ZNF618: variants seen among roughly 807,000 people sequenced by gnomAD.
ZNF618 encodes zinc finger protein 618, also known as neural precursor cell expressed, developmentally down-regulated 10.
Under a neutral mutation model 103.0 loss-of-function variants are expected in ZNF618, and 34 were observed. The ratio of observed to expected loss-of-function variants is 0.33; its 90% CI spans 0.25 to 0.44. ZNF618 has a LOEUF of 0.44. Among genes scored for constraint, ZNF618 ranks in the 20% least tolerant of loss-of-function variants. The probability of loss-of-function intolerance (pLI) is 1.00; values close to 1 mark genes in which losing one functional copy is unlikely to be tolerated. For missense variants in ZNF618, 1,059 were observed against 1,295.4 expected (o/e 0.82, Z 2.80); for synonymous variants, 551 against 542.2 (o/e 1.02, Z -0.23).
chr9:113,965,277 T>TA (rs1385247267), intron 1 of ZNF618, among the ~76,000 whole-genome samples: 4 of 152,180 alleles, frequency 2.6e-5, no homozygotes, highest in Non-Finnish European at 4.4e-5. Context: ...TCTTACAACT[T>TA]ACATTTGCAC....
chr9:113,941,700 G>A (rs763606631), intron 1 of ZNF618, among the ~76,000 whole-genome samples: 15 of 151,960 alleles, frequency 9.9e-5, no homozygotes, highest in African/African-American at 2.7e-4. Flanking sequence ...GATTTTTTTC[G>A]TCTATGAAAG....
At chr9:113,947,781 A>C (rs73658307) in intron 1 of ZNF618, among the ~76,000 whole-genome samples, 2,258 of 152,296 alleles carry the variant, frequency 0.015, 47 homozygotes, top group African/African-American at 0.052. Context: ...TAAGAGTCTC[A>C]ACTAGAAAAA....
chr9:113,981,275 C>T (rs2133127735), intron 2 of ZNF618, among the ~76,000 whole-genome samples: 1 of 152,224 alleles, frequency 6.6e-6, no homozygotes, highest in Non-Finnish European at 1.5e-5. Context: ...GTAAATGGCA[C>T]CCTTTGGAGG....
At position 114,028,968 on chromosome 9, in the gene ZNF618, C is replaced by A; in HGVS notation, c.1080C>A (p.Thr360=). 2.6e-6 allele frequency: 4 copies of A among 1,550,242 alleles called. No homozygotes were observed. Among genetic ancestry groups the A allele is most frequent in the Non-Finnish European group, 3.5e-6 (4 of 1,146,928 alleles). ...PNSGSPASKA[T]AAESAFSRRV... The stretch of plus-strand genomic sequence containing the variant: ...CGGGATCTCCGGCGAGCAAGGCAAC[C>A]GCAGGTACCAATGGCCTATGTGACC... Residue 360 remains threonine, a synonymous_variant, in exon 11 of 15, where the codon ACC becomes ACA. Transcript: ENST00000374126.
At chr9:113,960,621 C>CTTTTA (rs1836754660) in intron 1 of ZNF618, among the ~76,000 whole-genome samples, 2 of 152,216 alleles carry the variant, frequency 1.3e-5, no homozygotes, top group Admixed American at 6.5e-5. Flanking sequence ...GGTATCATAA[C>CTTTTA]TGAGAGGCGT....
chr9:113,876,472 G>A lies in ZNF618; in HGVS notation c.33+59G>A. The stretch of plus-strand genomic sequence containing the variant: ...GGGGACCCCGGGGGGCCGGGGCCCG[G>A]GGCGCTGCGCCACTTCATTGCAAGA... On this transcript the variant is annotated intron_variant, in intron 1 of 14. Transcript: ENST00000374126. The A allele has an allele frequency of 1.7e-6, 2 of 1,156,740 alleles. 1 individual carries two copies. The highest frequency in any genetic ancestry group is 6.8e-4 in the Middle Eastern group (2 of 2,948). 71.7% of individuals were successfully genotyped at this position (1,156,740 alleles called of 1,614,324 possible). A position where few individuals can be genotyped will look rare whatever the true frequency, so the allele number is the denominator to read the frequency against.
intron 1 of ZNF618, among the ~76,000 whole-genome samples, chr9:113,895,608 C>T (rs1203570678): frequency 6.6e-6 from 1 of 152,000 alleles, no homozygotes; most frequent in Non-Finnish European, 1.5e-5. Context: ...AGGATAAATA[C>T]ATTTAAGATT....
intron 3 of ZNF618, among the ~76,000 whole-genome samples, chr9:113,993,254 C>T (rs1038191783): frequency 7.2e-5 from 11 of 151,874 alleles, no homozygotes; most frequent in Admixed American, 4.6e-4. Flanking sequence ...GGACTTCGCT[C>T]ACCCAGCCTC....
chr9:114,033,389 AAGAGAGAGAGAGAGAGAG>A lies in ZNF618; in HGVS notation c.1168+676_1168+693del, dbSNP rs10624141. Reference sequence around the variant, plus strand: ...TGACAGAGCGAGACTCTGTCTCAAAAAGAGAGAGAGAGAGAGAGAGAGAGAGAGAGAGCTGTGAGAGCC... The same window carrying A: ...TGACAGAGCGAGACTCTGTCTCAAAAAGAGAGAGAGAGAGCTGTGAGAGCC... On this transcript the variant is annotated intron_variant, in intron 12 of 14. Transcript: ENST00000374126. 1.6e-3 allele frequency among the ~76,000 whole-genome samples: 236 copies of A among 147,180 alleles called. 1 individual carries two copies. The highest frequency in any genetic ancestry group is 5.7e-3 in the African/African-American group (229 of 40,372).
At chr9:113,939,017 C>T (rs2132018687) in intron 1 of ZNF618, among the ~76,000 whole-genome samples, 1 of 150,292 alleles carries the variant, frequency 6.7e-6, no homozygotes, top group Admixed American at 6.6e-5. Context: ...TTTTTTCAGG[C>T]AATTGTATCT....
intron 2 of ZNF618, among the ~76,000 whole-genome samples, chr9:113,973,080 A>G (rs1264865382): frequency 6.6e-6 from 1 of 152,176 alleles, no homozygotes; most frequent in African/African-American, 2.4e-5. Flanking sequence ...CTGTCTCAAA[A>G]AAAAAGAGAG....
chr9:113,895,295 C>T (rs1422712479), intron 1 of ZNF618, among the ~76,000 whole-genome samples: 2 of 152,054 alleles, frequency 1.3e-5, no homozygotes, highest in African/African-American at 2.4e-5. Context: ...GAATTTTTAA[C>T]AAATGCCTTT....
chr9:113,983,894 C>T (rs1839202701), intron 2 of ZNF618, among the ~76,000 whole-genome samples: 1 of 152,178 alleles, frequency 6.6e-6, no homozygotes, highest in African/African-American at 2.4e-5. Flanking sequence ...AGGATATATT[C>T]TGCTGTTCCA....
intron 1 of ZNF618, among the ~76,000 whole-genome samples, chr9:113,942,341 T>G (rs1181495598): frequency 2.6e-5 from 4 of 152,166 alleles, no homozygotes; most frequent in African/African-American, 9.7e-5. Context: ...CTTCCCTCTC[T>G]TCTTTTTTTC....
At chr9:113,914,942 C>A (rs1831930837) in intron 1 of ZNF618, among the ~76,000 whole-genome samples, 1 of 152,152 alleles carries the variant, frequency 6.6e-6, no homozygotes, top group African/African-American at 2.4e-5. Flanking sequence ...CTGCATAGCC[C>A]CTGATCCTTT....
chr9:114,049,642 T>C lies in ZNF618; in HGVS notation c.2340T>C (p.Thr780=). The C allele has an allele frequency of 6.2e-7, 1 of 1,613,852 alleles. No homozygotes were observed. Residue 780 remains threonine, a synonymous_variant, in exon 15 of 15, where the codon ACT becomes ACC. Coordinates refer to ENST00000374126, the MANE Select transcript of ZNF618 (RefSeq NM_001318042.2). The part of the protein sequence containing the change: ...LFTAKANDAG[T]VSKLCHLFLE... ...CGGCCAAGGCCAACGACGCAGGCAC[T>C]GTCAGCAAGCTCTGCCACCTCTTCC... is the stretch of plus-strand genomic sequence containing the variant.
intron 1 of ZNF618, among the ~76,000 whole-genome samples, chr9:113,891,535 A>G (rs1025352129): frequency 1.3e-5 from 2 of 152,170 alleles, no homozygotes; most frequent in South Asian, 4.1e-4. Context: ...TGCAGCTGCT[A>G]TGGAAAACAG....
chr9:113,918,811 A>T (rs575150516), intron 1 of ZNF618, among the ~76,000 whole-genome samples: 1 of 152,180 alleles, frequency 6.6e-6, no homozygotes, highest in African/African-American at 2.4e-5. Flanking sequence ...CCGGCCCTGG[A>T]ATCAGCCCTT....
chr9:113,880,795 G>A (rs1353404697), intron 1 of ZNF618, among the ~76,000 whole-genome samples: 1 of 152,196 alleles, frequency 6.6e-6, no homozygotes, highest in Admixed American at 6.5e-5. Flanking sequence ...CCTCCTGTGG[G>A]TCACGGCCAA....
Sources: gnomAD v4.1 joint callset for allele counts (sites outside exome capture counted in the v4.1 genomes callset) on GRCh38, gnomAD v4.1.1 for gene constraint, MANE v1.5 for transcripts, NCBI Gene and HGNC (gene_info 2026-07-23, HGNC 2026-07-21) for gene names.